The following ASMT variants were observed in gnomAD, a reference collection of about 807,000 sequenced individuals.
ASMT encodes the protein acetylserotonin N-methyltransferase.
In ASMT, 53 loss-of-function variants were observed where a neutral mutation model predicts 41.3. The observed-to-expected ratio is 1.28, with a 90% confidence interval of 1.03 to 1.61. ASMT has a LOEUF of 1.61. Ranked by LOEUF, ASMT falls within the 40% of genes most tolerant of loss-of-function variation. The probability of loss-of-function intolerance (pLI) is 0.00; values close to 1 mark genes in which losing one functional copy is unlikely to be tolerated. For synonymous variants in ASMT, 231 were observed against 184.8 expected, an observed-to-expected ratio of 1.25 and a Z score of -2.03; for missense variants, 531 against 441.3, an observed-to-expected ratio of 1.20 and a Z score of -1.82.
chrX:1,637,071 G>A (rs1274965304), intron 8 of ASMT, among the ~76,000 whole-genome samples: 8 of 106,092 alleles, frequency 7.5e-5, no homozygotes, highest in Non-Finnish European at 1.6e-4. Context: ...TGTGGGCACA[G>A]CCTCTGTGTG....
intron 4 of ASMT, 83 bp from the exon 5 acceptor site, chrX:1,629,738 C>A: frequency 7.8e-7 from 1 of 1,289,940 alleles, no homozygotes; most frequent in Non-Finnish European, 1.1e-6. Context: ...TAGCTCCGTT[C>A]TCAACAGGGG....
chrX:1,615,829 A>G (rs1934074932), intron 1 of ASMT, among the ~76,000 whole-genome samples: 1 of 152,030 alleles, frequency 6.6e-6, no homozygotes, highest in Non-Finnish European at 1.5e-5. Context: ...ACAACAAAAA[A>G]AAAGAAACAA....
intron 3 of ASMT, 129 bp downstream of exon 3, chrX:1,624,527 G>A: frequency 7.2e-7 from 1 of 1,386,234 alleles, no homozygotes; most frequent in Admixed American, 2.8e-5. Flanking sequence ...TGGGAGGTGG[G>A]GGCTGACCCC....
chrX:1,627,892 T>A, intron 4 of ASMT, 121 bp downstream of exon 4: 1 of 947,314 alleles, frequency 1.1e-6, no homozygotes, highest in Non-Finnish European at 1.7e-6. Flanking sequence ...CCATTTAATT[T>A]AAAATAACAT....
intron 2 of ASMT, 44 bp downstream of exon 2, chrX:1,623,357 C>G (rs756698279): frequency 3.7e-6 from 6 of 1,607,058 alleles, no homozygotes; most frequent in Non-Finnish European, 5.1e-6. Flanking sequence ...ACATAGACAC[C>G]CTCTGCAGCC....
intron 7 of ASMT, 183 bp from the exon 8 acceptor site, chrX:1,636,255 C>G: frequency 2.2e-6 from 2 of 921,542 alleles, no homozygotes; most frequent in Non-Finnish European, 3.6e-6. Context: ...CCGCGCCCGA[C>G]CTCAGTATTT....
At chrX:1,619,268 C>T (rs1934249268) in intron 1 of ASMT, among the ~76,000 whole-genome samples, 1 of 151,628 alleles carries the variant, frequency 6.6e-6, no homozygotes. Context: ...GTGGCGGGCA[C>T]CTGTAGTACC....
intron 1 of ASMT, among the ~76,000 whole-genome samples, chrX:1,618,947 T>C (rs1261878388): frequency 1.3e-5 from 2 of 152,186 alleles, no homozygotes; most frequent in African/African-American, 2.4e-5. Flanking sequence ...CATGATACCA[T>C]GTCATGGGAG....
chrX:1,619,895 T>C (rs1356190237), intron 1 of ASMT, among the ~76,000 whole-genome samples: 1 of 150,894 alleles, frequency 6.6e-6, no homozygotes. Flanking sequence ...ATTGAGACCA[T>C]CCTGGCTAAC....
intron 6 of ASMT, 34 bp downstream of exon 6, chrX:1,632,821 G>T: frequency 2.1e-6 from 1 of 473,050 alleles, no homozygotes. Flanking sequence ...CATGGACACA[G>T]GGAGGGGAAC....
At chrX:1,622,398 C>A (rs1228076169) in intron 1 of ASMT, among the ~76,000 whole-genome samples, 1 of 151,312 alleles carries the variant, frequency 6.6e-6, no homozygotes, top group Non-Finnish European at 1.5e-5. Flanking sequence ...TCAAGCGATT[C>A]TCCTGCCTCA....
chrX:1,627,806 T>A, intron 4 of ASMT, 35 bp downstream of exon 4: 1 of 1,589,374 alleles, frequency 6.3e-7, no homozygotes, highest in East Asian at 2.2e-5. Flanking sequence ...ACAACTCAGA[T>A]AAGATTCTGT....
chrX:1,637,184 G>GC lies in ASMT; in HGVS notation c.910+624_910+625insC, dbSNP rs1266956775. Among the ~76,000 whole-genome samples the GC allele has an allele frequency of 5.9e-4, 31 of 52,988 alleles. 2 individuals are homozygous for GC. The highest frequency in any genetic ancestry group is 8.4e-4 in the Admixed American group (4 of 4,766). The allele number at this position is 52,988 out of a possible 152,430, so 34.8% of individuals were successfully genotyped here. A position where few individuals can be genotyped will look rare whatever the true frequency, so the allele number is the denominator to read the frequency against. ...TGTGTATGATGGGGACAGTGTCCCA[G>GC]TGTCCTGTGAGGTCCATCCATCCTG... is the stretch of plus-strand genomic sequence containing the variant. On this transcript the variant is annotated intron_variant, in intron 8 of 8. Coordinates refer to ENST00000381241, the MANE Select transcript of ASMT (RefSeq NM_001171038.2).
chrX:1,620,058 A>C (rs1934282564), intron 1 of ASMT, among the ~76,000 whole-genome samples: 1 of 150,976 alleles, frequency 6.6e-6, no homozygotes, highest in South Asian at 2.1e-4. Context: ...GCACCACTGC[A>C]CTCCAGCCTG....
At chrX:1,634,367 G>A (rs113145582) in intron 7 of ASMT, among the ~76,000 whole-genome samples, 12,013 of 152,196 alleles carry the variant, frequency 0.079, 706 homozygotes, top group Non-Finnish European at 0.12. Flanking sequence ...CCAGCCTGGA[G>A]AGCCTCCGCA....
intron 3 of ASMT, among the ~76,000 whole-genome samples, chrX:1,625,720 T>A (rs187763513): frequency 1.3e-5 from 2 of 151,230 alleles, no homozygotes; most frequent in South Asian, 4.2e-4. Context: ...TTTGGGAGGC[T>A]GAGGCGGGCG....
At chrX:1,616,772 G>T (rs191007439) in intron 1 of ASMT, among the ~76,000 whole-genome samples, 2 of 133,198 alleles carry the variant, frequency 1.5e-5, no homozygotes, top group Non-Finnish European at 3.5e-5. Flanking sequence ...GCAATGGCAC[G>T]ATCTCGGCTC....
Position 1,624,259 on chromosome X carries a change from T to A in ASMT, c.245-10T>A, listed in dbSNP as rs770977478. ...ACTGCTTTTTCCCTGTTTTTTTGTG[T>A]GTGTTTCAGCTTTCTATCGAAACAC... is the stretch of plus-strand genomic sequence containing the variant. On this transcript the variant is annotated splice_polypyrimidine_tract_variant and intron_variant, in intron 2 of 8. Transcript: ENST00000381241. 1.2e-6 allele frequency: 2 copies of A among 1,613,930 alleles called. No homozygotes were observed. Among genetic ancestry groups the A allele is most frequent in the Non-Finnish European group, 1.7e-6 (2 of 1,179,852 alleles).
intron 3 of ASMT, among the ~76,000 whole-genome samples, chrX:1,624,843 C>A (rs748213235): frequency 3.0e-4 from 22 of 74,084 alleles, no homozygotes; most frequent in African/African-American, 7.0e-4. Flanking sequence ...GTGGGGGCTG[C>A]ACCCAGGCAG....
Sources: allele counts gnomAD v4.1 joint callset (sites outside exome capture counted in the v4.1 genomes callset), GRCh38; gene constraint gnomAD v4.1.1; transcripts MANE v1.5; gene names NCBI Gene and HGNC (gene_info 2026-07-23, HGNC 2026-07-21).